Variants in NTN4 observed in about 807,000 individuals in gnomAD.
NTN4 encodes netrin-4.
In NTN4, 32 loss-of-function variants were observed where a neutral mutation model predicts 73.6. That is an observed-to-expected ratio of 0.44 (90% CI 0.33 to 0.58). The LOEUF (loss-of-function observed/expected upper bound fraction) is 0.58. NTN4 is among the 20% of genes least tolerant of loss of function. NTN4 has a pLI of 0.04. For missense variants in NTN4, 654 were observed against 798.3 expected, an observed-to-expected ratio of 0.82 and a Z score of 2.18; for synonymous variants, 258 against 287.5, an observed-to-expected ratio of 0.90 and a Z score of 1.04.
intron 3 of NTN4, among the ~76,000 whole-genome samples, chr12:95,736,025 G>A (rs1192719417): frequency 1.3e-5 from 2 of 151,462 alleles, no homozygotes; most frequent in Non-Finnish European, 2.9e-5. Flanking sequence ...TGCAACCTCC[G>A]CCTCCCAGGT....
intron 2 of NTN4, among the ~76,000 whole-genome samples, chr12:95,782,905 G>A (rs1236836924): frequency 6.6e-6 from 1 of 152,250 alleles, no homozygotes; most frequent in East Asian, 1.9e-4. Flanking sequence ...AGTGATCATC[G>A]CAATTCCAGT....
At chr12:95,777,316 AACCTTAAATGTAAATGGGC>A (rs2079100839) in intron 2 of NTN4, among the ~76,000 whole-genome samples, 1 of 152,248 alleles carries the variant, frequency 6.6e-6, no homozygotes, top group South Asian at 2.1e-4. Context: ...TAACAATATT[AACCTTAAATGTAAATGGGC>A]TAAATGCTCC....
intron 2 of NTN4, among the ~76,000 whole-genome samples, chr12:95,784,491 G>A (rs896589839): frequency 1.4e-4 from 21 of 152,234 alleles, no homozygotes; most frequent in African/African-American, 4.3e-4. Context: ...TGCTGAGGCC[G>A]GGCGCAGTGA....
chr12:95,775,682 G>C (rs2079087098), intron 2 of NTN4, among the ~76,000 whole-genome samples: 1 of 152,258 alleles, frequency 6.6e-6, no homozygotes. Context: ...AAAGCAGCTG[G>C]GAAGCTTGAA....
In NTN4 at chr12:95,787,340, A is replaced by G. The variant is rs1217824376; in HGVS notation, c.184T>C (p.Cys62Arg). 2 of 1,614,126 alleles carry G rather than the reference A, an allele frequency of 1.2e-6. No homozygotes were observed. The highest frequency in any genetic ancestry group is 1.7e-6 in the Non-Finnish European group (2 of 1,180,048). Residue 62 changes from cysteine to arginine, a missense_variant, in exon 2 of 10, where the codon TGC becomes CGC. By Grantham distance (180) the Cys-to-Arg change is radical (BLOSUM62 -3). Transcript: ENST00000343702. Reference sequence around the variant, plus strand: ...AGATCCGTGTTCTCACTGTAGAAGCAGTACAGTTCGGTAGCATTCTGACCG... The same window carrying G: ...AGATCCGTGTTCTCACTGTAGAAGCGGTACAGTTCGGTAGCATTCTGACCG... ...TCGQNATELY[C>R]FYSENTDLTC...
At chr12:95,762,758 G>A (rs1275826814) in intron 2 of NTN4, among the ~76,000 whole-genome samples, 1 of 152,162 alleles carries the variant, frequency 6.6e-6, no homozygotes, top group Non-Finnish European at 1.5e-5. Context: ...ATATAGGAGA[G>A]CTGAAAGTAC....
intron 7 of NTN4, chr12:95,673,046 C>T: frequency 6.7e-7 from 1 of 1,485,772 alleles, no homozygotes; most frequent in South Asian, 1.1e-5. Flanking sequence ...GCTGTGGCTG[C>T]CCAGGGCAAG....
chr12:95,672,952 G>T (rs1565879268), intron 7 of NTN4: 1 of 1,125,498 alleles, frequency 8.9e-7, no homozygotes, highest in Non-Finnish European at 1.4e-6. Context: ...TATTCCCATT[G>T]TCTGTAAATT....
chr12:95,738,801 C>T (rs990189011), intron 2 of NTN4, among the ~76,000 whole-genome samples: 1 of 152,148 alleles, frequency 6.6e-6, no homozygotes, highest in African/African-American at 2.4e-5. Context: ...CAGACCTGTC[C>T]TCAGTGAAAT....
At chr12:95,734,628 A>C (rs2078761883) in intron 3 of NTN4, among the ~76,000 whole-genome samples, 1 of 152,234 alleles carries the variant, frequency 6.6e-6, no homozygotes, top group Non-Finnish European at 1.5e-5. Context: ...ACATAAAATA[A>C]ATGGCGTCTA....
intron 2 of NTN4, among the ~76,000 whole-genome samples, chr12:95,753,154 C>T (rs2121223384): frequency 6.6e-6 from 1 of 152,308 alleles, no homozygotes; most frequent in Non-Finnish European, 1.5e-5. Context: ...GACGGCAGTT[C>T]CACCAGGCCT....
intron 5 of NTN4, among the ~76,000 whole-genome samples, chr12:95,695,408 A>G (rs1207104088): frequency 6.6e-6 from 1 of 152,126 alleles, no homozygotes; most frequent in African/African-American, 2.4e-5. Flanking sequence ...TCTGTCGCCC[A>G]GGCTGGAGTG....
chr12:95,741,417 TATGTATA>T (rs1373707580), intron 2 of NTN4, among the ~76,000 whole-genome samples: 15,268 of 109,036 alleles, frequency 0.14, 2,608 homozygotes, highest in African/African-American at 0.23. Flanking sequence ...TAATGTAAAT[TATGTATA>T]AATTATATAT....
At chr12:95,692,016 G>T (rs546188961) in intron 5 of NTN4, among the ~76,000 whole-genome samples, 1 of 152,224 alleles carries the variant, frequency 6.6e-6, no homozygotes, top group African/African-American at 2.4e-5. Flanking sequence ...CATCAATAAT[G>T]CATGAGACTT....
chr12:95,704,481 T>G (rs1040934565), intron 5 of NTN4, among the ~76,000 whole-genome samples: 6 of 152,212 alleles, frequency 3.9e-5, no homozygotes, highest in African/African-American at 1.4e-4. Flanking sequence ...GTTAACTTAT[T>G]TGTCATAAGC....
Position 95,781,364 on chromosome 12 carries a change from T to C in NTN4, c.585+5575A>G, listed in dbSNP as rs922034425. Among the ~76,000 whole-genome samples, 7 of 152,236 alleles carry C rather than the reference T, an allele frequency of 4.6e-5. No individual in the cohort carries two copies. The highest frequency in any genetic ancestry group is 8.8e-5 in the Non-Finnish European group (6 of 68,036). On this transcript the variant is annotated intron_variant, in intron 2 of 9. Coordinates refer to ENST00000343702, the MANE Select transcript of NTN4 (RefSeq NM_021229.4). This position sits in a 1 kb window ranked among gnomAD's most constrained non-coding sequence, Gnocchi z 4.1. ...AAATGTGACCCTTAATTATAGGTTT[T>C]GTTCACTCATGAAAACTTGCCAGGA...
intron 3 of NTN4, among the ~76,000 whole-genome samples, chr12:95,729,644 T>A (rs958498438): frequency 0.018 from 2,606 of 141,136 alleles, 83 homozygotes; most frequent in African/African-American, 0.077. Context: ...TGTGTGTGTG[T>A]GTGTGTGTGT....
chr12:95,720,887 C>T (rs898130155), intron 3 of NTN4, among the ~76,000 whole-genome samples: 1 of 152,176 alleles, frequency 6.6e-6, no homozygotes, highest in Non-Finnish European at 1.5e-5. Flanking sequence ...TATACCCAGG[C>T]ACCATTCTAG....
rs116418799 is a variant in NTN4, at chr12:95,687,042, G to C, written c.1181-3331C>G. Among the ~76,000 whole-genome samples the C allele has an allele frequency of 8.7e-3, 1,323 of 152,302 alleles. 16 individuals are homozygous for C. Among genetic ancestry groups the C allele is most frequent in the African/African-American group, 0.03 (1,258 of 41,554 alleles). On this transcript the variant is annotated intron_variant, in intron 5 of 9. Coordinates refer to ENST00000343702, the MANE Select transcript of NTN4 (RefSeq NM_021229.4). Reference sequence around the variant, plus strand: ...GTGCTCCTGGCCCTTGGCCATGCCTGTGTGGCCTTTCCCCACCTTGTCCAT... The same window carrying C: ...GTGCTCCTGGCCCTTGGCCATGCCTCTGTGGCCTTTCCCCACCTTGTCCAT...
Sources: gnomAD v4.1 joint callset for allele counts (sites outside exome capture counted in the v4.1 genomes callset) on GRCh38, gnomAD v4.1.1 for gene constraint, Gnocchi (gnomAD v3.1) non-coding constraint, MANE v1.5 for transcripts, NCBI Gene and HGNC (gene_info 2026-07-23, HGNC 2026-07-21) for gene names.